Variants in CSMD1 observed in about 807,000 individuals in gnomAD.
CSMD1 encodes CUB and sushi domain-containing protein 1.
In CSMD1, 213 loss-of-function variants were observed where a neutral mutation model predicts 417.5. The observed-to-expected ratio is 0.51, with a 90% confidence interval of 0.46 to 0.57. CSMD1 has a LOEUF of 0.57. Among genes scored for constraint, CSMD1 ranks in the 20% least tolerant of loss-of-function variants. The probability of loss-of-function intolerance (pLI) is 0.00; values close to 1 mark genes in which losing one functional copy is unlikely to be tolerated. For synonymous variants in CSMD1, 2,862 were observed against 1,736.8 expected, an observed-to-expected ratio of 1.65 and a Z score of -16.11; for missense variants, 6,923 against 4,529.7, an observed-to-expected ratio of 1.53 and a Z score of -15.17.
At chr8:4,183,705 T>C (rs1584976948) in intron 3 of CSMD1, among the ~76,000 whole-genome samples, 2 of 152,240 alleles carry the variant, frequency 1.3e-5, no homozygotes, top group African/African-American at 4.8e-5. Context: ...TTTAAAACTA[T>C]CAAATGATGA....
chr8:4,801,132 A>T (rs981094370), intron 1 of CSMD1, among the ~76,000 whole-genome samples: 1 of 152,174 alleles, frequency 6.6e-6, no homozygotes, highest in Admixed American at 6.5e-5. Flanking sequence ...GTCATTTTAC[A>T]TTTTTTGTAT....
At chr8:3,118,732 C>T in intron 41 of CSMD1, 145 bp from the exon 42 acceptor site, 1 of 629,124 alleles carries the variant, frequency 1.6e-6, no homozygotes, top group Non-Finnish European at 2.7e-6. Flanking sequence ...TAGTCAGTTG[C>T]CATCCAGACC....
chr8:3,789,729 T>TTA (rs1340620859), intron 5 of CSMD1, among the ~76,000 whole-genome samples: 163 of 56,168 alleles, frequency 2.9e-3, no homozygotes, highest in Admixed American at 4.5e-3. Context: ...ATGGTTAATT[T>TTA]TTTTTTTTTT....
At chr8:3,074,306 G>C (rs1383238282) in intron 49 of CSMD1, among the ~76,000 whole-genome samples, 1 of 152,150 alleles carries the variant, frequency 6.6e-6, no homozygotes, top group Non-Finnish European at 1.5e-5. Flanking sequence ...GTCTGGTGAG[G>C]TCCTACAATC....
chr8:3,291,640 G>T (rs892177357), intron 25 of CSMD1, among the ~76,000 whole-genome samples: 7 of 152,060 alleles, frequency 4.6e-5, no homozygotes, highest in African/African-American at 1.4e-4. Flanking sequence ...TTCTCTGATG[G>T]TAGTTTGTGT....
intron 10 of CSMD1, among the ~76,000 whole-genome samples, chr8:3,548,431 G>C (rs1430954946): frequency 1.3e-5 from 2 of 151,870 alleles, no homozygotes; most frequent in Non-Finnish European, 2.9e-5. Context: ...TTGTAGTCTT[G>C]TATCCCTCAA....
At position 3,669,686 on chromosome 8, in the gene CSMD1, T is replaced by G. The variant is rs564865061; in HGVS notation, c.1009+38728A>C. On this transcript the variant is annotated intron_variant, in intron 7 of 69. Coordinates refer to ENST00000635120, the MANE Select transcript of CSMD1 (RefSeq NM_033225.6). Reference sequence around the variant, plus strand: ...ATGTTAGCTCAGCACCTATTCTGTGTGAGGCGTTATGCTAGGAACTGGGTA... The same window carrying G: ...ATGTTAGCTCAGCACCTATTCTGTGGGAGGCGTTATGCTAGGAACTGGGTA... Among the ~76,000 whole-genome samples the G allele has an allele frequency of 1.0e-3, 155 of 152,164 alleles. 2 individuals carry two copies. The highest frequency in any genetic ancestry group is 3.6e-3 in the African/African-American group (150 of 41,516).
intron 23 of CSMD1, among the ~76,000 whole-genome samples, chr8:3,336,154 G>A (rs1258077816): frequency 7.5e-6 from 1 of 134,024 alleles, no homozygotes; most frequent in Non-Finnish European, 1.7e-5. Flanking sequence ...TCATACCTAA[G>A]GCAGTAGAAA....
At chr8:4,241,510 C>A (rs946973634) in intron 3 of CSMD1, among the ~76,000 whole-genome samples, 1 of 152,118 alleles carries the variant, frequency 6.6e-6, no homozygotes, top group Non-Finnish European at 1.5e-5. Flanking sequence ...TGTCTGTGCC[C>A]CCAGGAGGGC....
At chr8:4,403,368 T>C (rs986487710) in intron 3 of CSMD1, among the ~76,000 whole-genome samples, 1 of 152,156 alleles carries the variant, frequency 6.6e-6, no homozygotes, top group Non-Finnish European at 1.5e-5. Context: ...AGTCTCTACT[T>C]GACCTCTCTA....
intron 4 of CSMD1, among the ~76,000 whole-genome samples, chr8:4,005,853 T>C (rs367792503): frequency 1.3e-5 from 2 of 152,202 alleles, no homozygotes; most frequent in African/African-American, 4.8e-5. Context: ...TGTCTTTTAA[T>C]TCCCTGGTCC....
At position 4,873,044 on chromosome 8, in the gene CSMD1, A is replaced by G. The variant is rs139978518; in HGVS notation, c.85+121288T>C. 2.4e-3 allele frequency among the ~76,000 whole-genome samples: 362 copies of G among 152,232 alleles called. 5 individuals carry two copies. The highest frequency in any genetic ancestry group is 8.4e-3 in the African/African-American group (347 of 41,482). On this transcript the variant is annotated intron_variant, in intron 1 of 69. Transcript: ENST00000635120. Reference sequence around the variant, plus strand: ...TTGTGAAATGGTTACCACAAATCGTATATATTTAAGGTGTACAATATGATG... The same window carrying G: ...TTGTGAAATGGTTACCACAAATCGTGTATATTTAAGGTGTACAATATGATG...
intron 40 of CSMD1, among the ~76,000 whole-genome samples, chr8:3,144,550 C>T (rs904840172): frequency 1.3e-5 from 2 of 152,006 alleles, no homozygotes; most frequent in East Asian, 3.9e-4. Context: ...GGTACTACAT[C>T]GCCAGTCAAG....
intron 28 of CSMD1, among the ~76,000 whole-genome samples, chr8:3,220,818 G>C (rs941165267): frequency 1.3e-5 from 2 of 152,098 alleles, no homozygotes; most frequent in Non-Finnish European, 2.9e-5. Context: ...GTGACAGACA[G>C]AGCAAAACTC....
chr8:3,528,672 G>A (rs755918386), intron 10 of CSMD1, among the ~76,000 whole-genome samples: 3 of 152,180 alleles, frequency 2.0e-5, no homozygotes, highest in Non-Finnish European at 4.4e-5. Flanking sequence ...CTGGGACATG[G>A]TGGCTGCACC....
chr8:3,495,216 C>A (rs1796315365), intron 10 of CSMD1, among the ~76,000 whole-genome samples: 1 of 152,214 alleles, frequency 6.6e-6, no homozygotes, highest in Admixed American at 6.5e-5. Flanking sequence ...CTTTTTGTTT[C>A]TCATGAACCA....
chr8:3,483,895 T>C (rs1158631832), intron 11 of CSMD1, among the ~76,000 whole-genome samples: 3 of 152,282 alleles, frequency 2.0e-5, no homozygotes, highest in Non-Finnish European at 1.5e-5. Context: ...GAACATGATA[T>C]ATCAGCTAAT....
intron 27 of CSMD1, among the ~76,000 whole-genome samples, chr8:3,229,166 C>G (rs1470362097): frequency 6.6e-6 from 1 of 152,084 alleles, no homozygotes; most frequent in East Asian, 1.9e-4. Flanking sequence ...ACCACAAACC[C>G]CCTCAAGGTC....
chr8:4,624,559 A>G (rs1801986392), intron 2 of CSMD1, among the ~76,000 whole-genome samples: 1 of 152,118 alleles, frequency 6.6e-6, no homozygotes, highest in African/African-American at 2.4e-5. Flanking sequence ...GGGATTTCAC[A>G]TATTGAAGAT....
Sources: allele counts gnomAD v4.1 joint callset (sites outside exome capture counted in the v4.1 genomes callset), GRCh38; gene constraint gnomAD v4.1.1; transcripts MANE v1.5; gene names NCBI Gene and HGNC (gene_info 2026-07-23, HGNC 2026-07-21).